The following ARHGAP28 variants were observed in gnomAD, a reference collection of about 807,000 sequenced individuals.
The protein encoded by ARHGAP28 is rho GTPase-activating protein 28.
Under a neutral mutation model 90.7 loss-of-function variants are expected in ARHGAP28, and 56 were observed. The ratio of observed to expected loss-of-function variants is 0.62; its 90% CI spans 0.50 to 0.77. The LOEUF (loss-of-function observed/expected upper bound fraction) is 0.77, where lower values mean the gene tolerates loss of function less well. ARHGAP28 is among the 30% of genes least tolerant of loss of function. The pLI is 0.00. For synonymous variants in ARHGAP28, 308 were observed against 323.3 expected, an observed-to-expected ratio of 0.95 and a Z score of 0.51; for missense variants, 869 against 900.9, an observed-to-expected ratio of 0.96 and a Z score of 0.45.
chr18:6,882,201 A>G lies in ARHGAP28; in HGVS notation c.1355A>G (p.His452Arg), dbSNP rs186052265. Residue 452 changes from histidine to arginine, a missense_variant, in exon 11 of 18, where the codon CAT becomes CGT. His to Arg is a conservative substitution (Grantham distance 29). Coordinates refer to ENST00000383472, the MANE Select transcript of ARHGAP28 (RefSeq NM_001366230.1). ...AAATTTAAATGGGACAAAATGTGCCATAGAGAAGCTGCAGTAATGTTGAAA... is the reference window on the plus strand; with the variant it reads ...AAATTTAAATGGGACAAAATGTGCCGTAGAGAAGCTGCAGTAATGTTGAAA... ...ADKFKWDKMC[H>R]REAAVMLKAF... 45 of 1,614,138 alleles carry G rather than the reference A, an allele frequency of 2.8e-5. No individual in the cohort carries two copies. The highest frequency in any genetic ancestry group is 2.7e-4 in the Admixed American group (16 of 60,016).
intron 2 of ARHGAP28, among the ~76,000 whole-genome samples, chr18:6,827,403 C>T (rs2056675833): frequency 1.4e-5 from 2 of 141,774 alleles, no homozygotes; most frequent in South Asian, 2.3e-4. Flanking sequence ...GGGCGGCTGG[C>T]CGGGAGGGGG....
rs916485222 is a variant in ARHGAP28, at chr18:6,732,980, GA to G, written c.122+3046del. Among the ~76,000 whole-genome samples, 432 of 149,880 alleles carry G rather than the reference GA, an allele frequency of 2.9e-3. 5 individuals carry two copies. The highest frequency in any genetic ancestry group is 9.9e-3 in the African/African-American group (406 of 40,922). On this transcript the variant is annotated intron_variant, in intron 1 of 17. Coordinates refer to ENST00000383472, the MANE Select transcript of ARHGAP28 (RefSeq NM_001366230.1). ...AGGTCAAGAAAGCCTTGTTTGTCAA[GA>G]AAAAAAAAGGGGGCCATTTAAAACT...
chr18:6,878,936 C>T (rs951835033), intron 10 of ARHGAP28, among the ~76,000 whole-genome samples: 1 of 152,108 alleles, frequency 6.6e-6, no homozygotes, highest in African/African-American at 2.4e-5. Flanking sequence ...CTAAAAACTC[C>T]ATTATAATTA....
At chr18:6,890,170 G>A (rs558967326) in intron 13 of ARHGAP28, 85 bp downstream of exon 13, 1 of 1,451,734 alleles carries the variant, frequency 6.9e-7, no homozygotes, top group African/African-American at 1.4e-5. Context: ...CAACTCCCTT[G>A]GTCATAGGGA....
intron 4 of ARHGAP28, among the ~76,000 whole-genome samples, chr18:6,859,546 A>G (rs1345410197): frequency 6.6e-6 from 1 of 152,236 alleles, no homozygotes; most frequent in African/African-American, 2.4e-5. Flanking sequence ...TCCCTGGAAC[A>G]AAACCAAGAT....
intron 1 of ARHGAP28, among the ~76,000 whole-genome samples, chr18:6,748,129 C>G (rs1301720967): frequency 6.6e-6 from 1 of 152,164 alleles, no homozygotes; most frequent in African/African-American, 2.4e-5. Context: ...TGAAGGAGAT[C>G]CAGTTAGAGA....
intron 1 of ARHGAP28, among the ~76,000 whole-genome samples, chr18:6,770,820 GA>G (rs1240748701): frequency 6.6e-6 from 1 of 152,128 alleles, no homozygotes; most frequent in Non-Finnish European, 1.5e-5. Flanking sequence ...CCCAGTGTTT[GA>G]AACCTTGAAT....
chr18:6,877,948 T>C (rs891318732), intron 10 of ARHGAP28, among the ~76,000 whole-genome samples: 1 of 152,056 alleles, frequency 6.6e-6, no homozygotes, highest in Non-Finnish European at 1.5e-5. Flanking sequence ...TCTTACTGGT[T>C]CCTCTGTGTG....
chr18:6,823,900 G>A (rs1394851319), intron 1 of ARHGAP28, among the ~76,000 whole-genome samples: 1 of 151,920 alleles, frequency 6.6e-6, no homozygotes. Flanking sequence ...ATGCATGTAT[G>A]GTGGCTCTAT....
chr18:6,765,246 A>G (rs895129788), intron 1 of ARHGAP28, among the ~76,000 whole-genome samples: 2 of 152,172 alleles, frequency 1.3e-5, no homozygotes, highest in South Asian at 2.1e-4. Context: ...GTTTGATAGC[A>G]TATTAGTGAA....
chr18:6,762,265 C>A (rs574720013), intron 1 of ARHGAP28, among the ~76,000 whole-genome samples: 1 of 151,074 alleles, frequency 6.6e-6, no homozygotes, highest in South Asian at 2.1e-4. Context: ...TCAACCATGC[C>A]ACACACACAC....
intron 6 of ARHGAP28, among the ~76,000 whole-genome samples, chr18:6,868,538 T>C (rs1004743174): frequency 5.3e-5 from 8 of 152,228 alleles, no homozygotes; most frequent in Admixed American, 4.6e-4. Flanking sequence ...CCAAGTGATG[T>C]GGTCTGCCAG....
rs752239825 is a variant in ARHGAP28 at position 6,873,571 on chromosome 18, C to T, written c.1117C>T (p.Arg373Ter). The change falls in exon 8 of 18, where the codon CGA becomes TGA. Residue 373 changes from arginine to a stop codon, truncating the protein, a stop_gained. Transcript: ENST00000383472. LOFTEE classifies it high-confidence loss of function. ...KRNKTEKVKG[R>*]DNGIFGVPLT... ...GAACAAAACAGAGAAAGTAAAAGGA[C>T]GAGGTAACTAAGAAGACTGATTGCT... is the stretch of plus-strand genomic sequence containing the variant. The T allele has an allele frequency of 8.1e-6, 13 of 1,612,880 alleles. No homozygotes were observed. The highest frequency in any genetic ancestry group is 2.2e-5 in the East Asian group (1 of 44,864).
At chr18:6,800,653 G>A (rs1410048490) in intron 1 of ARHGAP28, among the ~76,000 whole-genome samples, 3 of 152,046 alleles carry the variant, frequency 2.0e-5, no homozygotes, top group African/African-American at 7.2e-5. Context: ...AGTGGGAGTC[G>A]AACAATAAGA....
intron 10 of ARHGAP28, among the ~76,000 whole-genome samples, chr18:6,880,606 C>T (rs1323319017): frequency 1.3e-5 from 2 of 152,212 alleles, no homozygotes; most frequent in East Asian, 3.9e-4. Flanking sequence ...GTTCCTTGCC[C>T]TAGATGCGCC....
At chr18:6,759,807 A>AC (rs5822925) in intron 1 of ARHGAP28, among the ~76,000 whole-genome samples, 95,838 of 151,918 alleles carry the variant, frequency 0.63, 31,281 homozygotes, top group Middle Eastern at 0.72. Context: ...TTTAAATTTC[A>AC]CCCCAAGTCT....
intron 16 of ARHGAP28, chr18:6,896,916 T>TTTATG: frequency 4.8e-6 from 1 of 207,102 alleles, no homozygotes; most frequent in Non-Finnish European, 9.6e-6. Context: ...TTTATTTTAT[T>TTTATG]TTATTTATTT....
chr18:6,911,121 A>G (rs2057396507), intron 17 of ARHGAP28, among the ~76,000 whole-genome samples: 1 of 152,002 alleles, frequency 6.6e-6, no homozygotes, highest in Non-Finnish European at 1.5e-5. Flanking sequence ...GGCGTGAGCC[A>G]CCGCGCTCGG....
intron 5 of ARHGAP28, among the ~76,000 whole-genome samples, chr18:6,860,516 A>G (rs2056989236): frequency 6.6e-6 from 1 of 152,194 alleles, no homozygotes; most frequent in Non-Finnish European, 1.5e-5. Context: ...CACAGAAGAC[A>G]GTGAGAGACC....
Sources: gnomAD v4.1 joint callset for allele counts (sites outside exome capture counted in the v4.1 genomes callset) on GRCh38, gnomAD v4.1.1 for gene constraint, MANE v1.5 for transcripts, NCBI Gene and HGNC (gene_info 2026-07-23, HGNC 2026-07-21) for gene names.